The following SPTBN1 variants were observed in gnomAD, a reference collection of about 807,000 sequenced individuals.
The protein encoded by SPTBN1 is spectrin beta chain, non-erythrocytic 1.
In SPTBN1, 32 loss-of-function variants were observed where a neutral mutation model predicts 266.4. That is an observed-to-expected ratio of 0.12 (90% confidence interval 0.09 to 0.16). SPTBN1 has a LOEUF of 0.16. SPTBN1 is among the 10% of genes least tolerant of loss of function. The probability of loss-of-function intolerance (pLI) is 1.00; values close to 1 mark genes in which losing one functional copy is unlikely to be tolerated. For synonymous variants in SPTBN1, 1,336 were observed against 1,162.2 expected, an observed-to-expected ratio of 1.15 and a Z score of -3.04; for missense variants, 2,296 against 3,067.1, an observed-to-expected ratio of 0.75 and a Z score of 5.94.
intron 2 of SPTBN1, among the ~76,000 whole-genome samples, chr2:54,563,303 G>C (rs561013736): frequency 2.8e-4 from 42 of 152,254 alleles, no homozygotes; most frequent in Admixed American, 1.2e-3. Flanking sequence ...TCAAAATGAA[G>C]TTTTTCTGTC....
intron 29 of SPTBN1, 38 bp from the exon 30 acceptor site, chr2:54,657,812 C>T (rs1244850389): frequency 1.2e-6 from 2 of 1,613,156 alleles, no homozygotes; most frequent in Admixed American, 1.7e-5. Context: ...CCCGGCACCT[C>T]CTGGTCAACG....
Position 54,628,306 on chromosome 2 carries a change from A to T in SPTBN1, c.1798+56A>T. On this transcript the variant is annotated intron_variant, in intron 13 of 35. Transcript: ENST00000356805. The surrounding 1 kb of genome is among the most constrained non-coding windows in gnomAD (Gnocchi z 4.3). ...CGGGTCACCAGAGATTCATATTTAT[A>T]GAAACACAGTGGGGCTTTTGAAGTT... 4.6e-6 allele frequency: 7 copies of T among 1,535,960 alleles called. No homozygotes were observed. The highest frequency in any genetic ancestry group is 6.1e-6 in the Non-Finnish European group (7 of 1,142,550).
At chr2:54,642,221 C>T (rs1338018388) in intron 18 of SPTBN1, among the ~76,000 whole-genome samples, 1 of 152,226 alleles carries the variant, frequency 6.6e-6, no homozygotes, top group East Asian at 1.9e-4. Context: ...TGGCGTTTGG[C>T]TGACCCCGGT....
At chr2:54,644,929 GTTGT>G in intron 20 of SPTBN1, among the ~76,000 whole-genome samples, 1 of 152,150 alleles carries the variant, frequency 6.6e-6, no homozygotes, top group East Asian at 1.9e-4. Context: ...CTCATACTTT[GTTGT>G]TTAACATCGT....
At chr2:54,573,779 C>T (rs186554875) in intron 2 of SPTBN1, among the ~76,000 whole-genome samples, 1 of 152,290 alleles carries the variant, frequency 6.6e-6, no homozygotes, top group East Asian at 1.9e-4. Context: ...GCTCTTTGCT[C>T]AGGCACTAGG....
chr2:54,566,498 T>C (rs1558847756), intron 2 of SPTBN1, among the ~76,000 whole-genome samples: 1 of 152,128 alleles, frequency 6.6e-6, no homozygotes, highest in Non-Finnish European at 1.5e-5. Flanking sequence ...CCTGTAAGCA[T>C]GTTTTTCAAA....
intron 19 of SPTBN1, among the ~76,000 whole-genome samples, chr2:54,643,527 A>G (rs774202452): frequency 6.6e-6 from 1 of 152,114 alleles, no homozygotes; most frequent in Non-Finnish European, 1.5e-5. Context: ...GCTTTTTCCT[A>G]TGAGACTACT....
intron 32 of SPTBN1, chr2:54,661,408 C>T (rs1464947989): frequency 1.0e-6 from 1 of 985,634 alleles, no homozygotes; most frequent in Admixed American, 6.2e-5. Flanking sequence ...TGAGTTAAGT[C>T]TGATTTGTCT....
At chr2:54,584,431 G>A (rs571539205) in intron 2 of SPTBN1, among the ~76,000 whole-genome samples, 15 of 152,290 alleles carry the variant, frequency 9.8e-5, no homozygotes, top group Non-Finnish European at 1.5e-4. Context: ...TTAGTAGATG[G>A]AGGAAATACA....
intron 24 of SPTBN1, among the ~76,000 whole-genome samples, chr2:54,648,311 C>A (rs1015913379): frequency 6.6e-6 from 1 of 152,112 alleles, no homozygotes; most frequent in Non-Finnish European, 1.5e-5. Context: ...GGGATAGGCA[C>A]CAACATGTCC....
chr2:54,551,824 C>T (rs1372342407), intron 2 of SPTBN1, among the ~76,000 whole-genome samples: 1 of 151,994 alleles, frequency 6.6e-6, no homozygotes, highest in African/African-American at 2.4e-5. Flanking sequence ...ATCTTTTGTC[C>T]TCTCTTTTTT....
Position 54,649,513 on chromosome 2 carries a change from C to T in SPTBN1, c.5203-102C>T. 2 of 1,480,186 alleles carry T rather than the reference C, an allele frequency of 1.4e-6. No homozygotes were observed. The highest frequency in any genetic ancestry group is 1.8e-6 in the Non-Finnish European group (2 of 1,106,686). The allele number at this position is 1,480,186 out of a possible 1,614,324, so 91.7% of individuals were successfully genotyped here. Reference sequence around the variant, plus strand: ...CTGAAGTCATGAGTATTATTGGCTACATCTTGCTTAGAGGCAGTTTCTTTC... The same window carrying T: ...CTGAAGTCATGAGTATTATTGGCTATATCTTGCTTAGAGGCAGTTTCTTTC... On this transcript the variant is annotated intron_variant, in intron 25 of 35. Coordinates refer to ENST00000356805, the MANE Select transcript of SPTBN1 (RefSeq NM_003128.3). This position sits in a 1 kb window ranked among gnomAD's most constrained non-coding sequence, Gnocchi z 6.7.
chr2:54,640,885 C>T (rs1167085498), intron 18 of SPTBN1, among the ~76,000 whole-genome samples: 1 of 152,196 alleles, frequency 6.6e-6, no homozygotes, highest in Non-Finnish European at 1.5e-5. Context: ...TCCTGAAAAA[C>T]GAATGAATGA....
intron 2 of SPTBN1, among the ~76,000 whole-genome samples, chr2:54,557,453 A>C (rs1476740901): frequency 6.6e-6 from 1 of 152,176 alleles, no homozygotes; most frequent in East Asian, 1.9e-4. Flanking sequence ...CCAAGAATAC[A>C]TTTTGATCAT....
chr2:54,670,711 C>T lies in SPTBN1; in HGVS notation c.*2142C>T, dbSNP rs1681655506. On this transcript the variant is annotated 3_prime_UTR_variant, in exon 36 of 36. Transcript: ENST00000356805. ...CCTGGAGTCCCATAATAAATACGTA[C>T]ATGTGGAACATCGTGCACATAATTT... 2.5e-6 allele frequency: 1 copy of T among 398,636 alleles called. No individual in the cohort carries two copies. The highest frequency in any genetic ancestry group is 4.4e-6 in the Non-Finnish European group (1 of 226,068). The allele number at this position is 398,636 out of a possible 1,614,324, so 24.7% of individuals were successfully genotyped here.
At chr2:54,605,066 C>T (rs1045612370) in intron 3 of SPTBN1, among the ~76,000 whole-genome samples, 2 of 152,148 alleles carry the variant, frequency 1.3e-5, no homozygotes, top group African/African-American at 2.4e-5. Flanking sequence ...AGACAGAGGA[C>T]GCTTCTTTCC....
chr2:54,623,377 A>G, intron 9 of SPTBN1, 102 bp from the exon 10 acceptor site: 1 of 1,010,516 alleles, frequency 9.9e-7, no homozygotes. Context: ...TTTGACATGC[A>G]TTTCATGTAA....
At chr2:54,467,844 G>A (rs1465946261) in intron 1 of SPTBN1, among the ~76,000 whole-genome samples, 2 of 151,670 alleles carry the variant, frequency 1.3e-5, no homozygotes, top group South Asian at 4.2e-4. Context: ...CCATCATAAA[G>A]GCATAAGTTA....
intron 1 of SPTBN1, among the ~76,000 whole-genome samples, chr2:54,485,327 A>G (rs1013773743): frequency 3.5e-5 from 5 of 143,658 alleles, no homozygotes; most frequent in African/African-American, 5.0e-5. Flanking sequence ...AGTGCCTGCA[A>G]TTGCAGGCAC....
Sources: allele counts gnomAD v4.1 joint callset (sites outside exome capture counted in the v4.1 genomes callset), GRCh38; gene constraint gnomAD v4.1.1; non-coding constraint Gnocchi (gnomAD v3.1); transcripts MANE v1.5; gene names NCBI Gene and HGNC (gene_info 2026-07-23, HGNC 2026-07-21).